Variants in CSMD3 observed in about 807,000 individuals in gnomAD.
CSMD3 encodes the protein CUB and Sushi multiple domains 3, also known as CUB and sushi domain-containing protein 3.
Under a neutral mutation model 435.2 loss-of-function variants are expected in CSMD3, and 177 were observed. That is an observed-to-expected ratio of 0.41 (90% CI 0.36 to 0.46). The LOEUF (loss-of-function observed/expected upper bound fraction) is 0.46. Among genes scored for constraint, CSMD3 ranks in the 20% least tolerant of loss-of-function variants. CSMD3 has a pLI of 0.34. For missense variants in CSMD3, 4,265 were observed against 4,504.6 expected, an observed-to-expected ratio of 0.95 and a Z score of 1.52; for synonymous variants, 1,656 against 1,520.5, an observed-to-expected ratio of 1.09 and a Z score of -2.07.
In CSMD3 at chr8:112,638,841, G is replaced by A; in HGVS notation, c.3381C>T (p.Gly1127=). 1 of 1,613,144 alleles carries A rather than the reference G, an allele frequency of 6.2e-7. No homozygotes were observed. The highest frequency in any genetic ancestry group is 8.5e-7 in the Non-Finnish European group (1 of 1,179,412). Reference sequence around the variant, plus strand: ...GGCGTGCCAGTGGTTGGGTAAAACTGCCATTCTCTGTGATCAGTAAGTAGT... The same window carrying A: ...GGCGTGCCAGTGGTTGGGTAAAACTACCATTCTCTGTGATCAGTAAGTAGT... The part of the protein sequence containing the change: ...HHDYLLITEN[G]SFTQPLARLT... Residue 1127 remains glycine, a synonymous_variant, in exon 21 of 71, where the codon GGC becomes GGT. Transcript: ENST00000297405.
intron 59 of CSMD3, among the ~76,000 whole-genome samples, chr8:112,271,559 G>C (rs927781276): frequency 2.0e-5 from 3 of 152,090 alleles, no homozygotes; most frequent in African/African-American, 7.2e-5. Flanking sequence ...ATGGATTCTT[G>C]AGTGAAATAG....
chr8:112,959,353 C>G (rs1170355446), intron 7 of CSMD3, among the ~76,000 whole-genome samples: 2 of 151,936 alleles, frequency 1.3e-5, no homozygotes, highest in Non-Finnish European at 2.9e-5. Context: ...ATGGTATACT[C>G]TAACTTTGTA....
intron 31 of CSMD3, among the ~76,000 whole-genome samples, chr8:112,483,132 T>TA (rs940245412): frequency 2.6e-5 from 4 of 152,258 alleles, no homozygotes; most frequent in East Asian, 1.9e-4. Context: ...CTCATAGATT[T>TA]AAAAAATCCT....
chr8:112,982,282 T>C (rs979393033), intron 6 of CSMD3, among the ~76,000 whole-genome samples: 3 of 151,860 alleles, frequency 2.0e-5, no homozygotes, highest in Non-Finnish European at 2.9e-5. Context: ...AGTAACTAAG[T>C]ATAATAGTCT....
intron 13 of CSMD3, among the ~76,000 whole-genome samples, chr8:112,794,355 G>A (rs191725669): frequency 9.7e-4 from 139 of 142,764 alleles, no homozygotes; most frequent in African/African-American, 3.3e-3. Context: ...GGGCAGCGGC[G>A]CGGTCTCGTC....
At chr8:113,302,094 A>T (rs1242101726) in intron 2 of CSMD3, among the ~76,000 whole-genome samples, 1 of 151,046 alleles carries the variant, frequency 6.6e-6, no homozygotes, top group Non-Finnish European at 1.5e-5. Flanking sequence ...TGAAAAATGC[A>T]AATAAATACA....
chr8:112,894,517 CTT>C (rs1054581854), intron 10 of CSMD3, among the ~76,000 whole-genome samples: 2 of 151,160 alleles, frequency 1.3e-5, no homozygotes, highest in African/African-American at 4.9e-5. Flanking sequence ...TTCCTTGAGA[CTT>C]ATATGTTTAA....
intron 22 of CSMD3, among the ~76,000 whole-genome samples, chr8:112,599,748 T>C (rs928131059): frequency 7.3e-5 from 11 of 151,234 alleles, no homozygotes; most frequent in Non-Finnish European, 8.8e-5. Context: ...AAATCATCAT[T>C]CTCAGTAAAC....
chr8:112,344,120 G>A (rs1441454293), intron 41 of CSMD3, among the ~76,000 whole-genome samples: 1 of 152,002 alleles, frequency 6.6e-6, no homozygotes, highest in Non-Finnish European at 1.5e-5. Context: ...CTGACCTTGT[G>A]ATCTGCCCGC....
At chr8:112,347,052 C>T (rs1383245187) in intron 40 of CSMD3, among the ~76,000 whole-genome samples, 2 of 151,770 alleles carry the variant, frequency 1.3e-5, no homozygotes, top group African/African-American at 2.4e-5. Flanking sequence ...CTTATTTTAT[C>T]CTAAAAGAAT....
chr8:112,566,180 T>C (rs1479836316), intron 24 of CSMD3, among the ~76,000 whole-genome samples: 1 of 152,020 alleles, frequency 6.6e-6, no homozygotes, highest in African/African-American at 2.4e-5. Context: ...TAGTATAGCA[T>C]AGTGGTTAGA....
intron 28 of CSMD3, among the ~76,000 whole-genome samples, chr8:112,513,214 A>T (rs986391353): frequency 2.0e-5 from 3 of 152,192 alleles, no homozygotes; most frequent in Non-Finnish European, 4.4e-5. Context: ...ATGGGTAACT[A>T]TTTGGTGCAA....
intron 4 of CSMD3, among the ~76,000 whole-genome samples, chr8:113,125,327 T>C (rs540512182): frequency 6.6e-6 from 1 of 152,142 alleles, no homozygotes; most frequent in Admixed American, 6.6e-5. Flanking sequence ...ATGTGTCACA[T>C]ATGTCTGTAC....
intron 13 of CSMD3, among the ~76,000 whole-genome samples, chr8:112,794,931 T>C (rs894892344): frequency 1.3e-5 from 2 of 152,106 alleles, no homozygotes; most frequent in African/African-American, 4.8e-5. Context: ...TCTAACAAAA[T>C]ATAAGTGACC....
chr8:112,344,421 A>ATAG (rs1461053463), intron 41 of CSMD3, among the ~76,000 whole-genome samples: 1 of 152,210 alleles, frequency 6.6e-6, no homozygotes, highest in Non-Finnish European at 1.5e-5. Flanking sequence ...GGAGTATAAT[A>ATAG]TACACTCAGT....
intron 3 of CSMD3, among the ~76,000 whole-genome samples, chr8:113,218,513 C>A (rs2092931796): frequency 1.3e-5 from 2 of 148,262 alleles, no homozygotes; most frequent in Admixed American, 1.3e-4. Flanking sequence ...TGAACTTATC[C>A]CAGGAATAGA....
At chr8:113,336,042 C>T (rs1588543140) in intron 1 of CSMD3, among the ~76,000 whole-genome samples, 1 of 151,876 alleles carries the variant, frequency 6.6e-6, no homozygotes, top group Non-Finnish European at 1.5e-5. Context: ...TTTTATAATT[C>T]CAATGACACA....
chr8:113,135,566 T>C (rs62519800), intron 4 of CSMD3, among the ~76,000 whole-genome samples: 3,383 of 151,944 alleles, frequency 0.022, 64 homozygotes, highest in Admixed American at 0.063. Flanking sequence ...GATGCTACCT[T>C]CCAGTGAGAG....
chr8:112,980,336 T>C (rs2085003978), intron 6 of CSMD3, among the ~76,000 whole-genome samples: 2 of 151,246 alleles, frequency 1.3e-5, no homozygotes, highest in African/African-American at 4.8e-5. Context: ...TAGGTACTTA[T>C]GTTTAGCACA....
Sources: gnomAD v4.1 joint callset for allele counts (sites outside exome capture counted in the v4.1 genomes callset) on GRCh38, gnomAD v4.1.1 for gene constraint, MANE v1.5 for transcripts, NCBI Gene and HGNC (gene_info 2026-07-23, HGNC 2026-07-21) for gene names.